LRRTM4: variants seen among roughly 807,000 people sequenced by gnomAD.
LRRTM4 encodes the protein leucine-rich repeat transmembrane neuronal protein 4.
A neutral mutation model predicts 47.6 loss-of-function variants in LRRTM4; 25 were observed. That is an observed-to-expected ratio of 0.53 (90% CI 0.38 to 0.73). The LOEUF is 0.73. LRRTM4 is among the 30% of genes least tolerant of loss of function. LRRTM4 has a pLI of 0.00. For synonymous variants in LRRTM4, 311 were observed against 269.5 expected, an observed-to-expected ratio of 1.15 and a Z score of -1.51; for missense variants, 638 against 713.4, an observed-to-expected ratio of 0.89 and a Z score of 1.20.
intron 3 of LRRTM4, among the ~76,000 whole-genome samples, chr2:76,971,815 C>G (rs912609844): frequency 6.6e-6 from 1 of 152,030 alleles, no homozygotes; most frequent in Non-Finnish European, 1.5e-5. Context: ...CCCTCCCACC[C>G]TATATCAGGC....
chr2:77,051,028 TA>T (rs369292203), intron 3 of LRRTM4, among the ~76,000 whole-genome samples: 46 of 151,436 alleles, frequency 3.0e-4, no homozygotes, highest in Middle Eastern at 3.4e-3. Context: ...TTTTTTTTTT[TA>T]AAATAGATAA....
intron 3 of LRRTM4, among the ~76,000 whole-genome samples, chr2:77,121,155 G>A (rs151314022): frequency 2.0e-5 from 3 of 151,834 alleles, no homozygotes; most frequent in African/African-American, 4.8e-5. Context: ...AATGCGAAAG[G>A]CAAATTAGGA....
chr2:76,835,668 T>C (rs1260818917), intron 3 of LRRTM4, among the ~76,000 whole-genome samples: 1 of 152,058 alleles, frequency 6.6e-6, no homozygotes, highest in Non-Finnish European at 1.5e-5. Flanking sequence ...CAATAGCAAA[T>C]GTGTTTGGTA....
chr2:77,435,545 T>C (rs1675555713), intron 3 of LRRTM4, among the ~76,000 whole-genome samples: 1 of 152,110 alleles, frequency 6.6e-6, no homozygotes, highest in African/African-American at 2.4e-5. Flanking sequence ...CCAACATTTG[T>C]TTAAAGGTCA....
At chr2:77,046,934 A>G (rs1257869659) in intron 3 of LRRTM4, among the ~76,000 whole-genome samples, 2 of 152,046 alleles carry the variant, frequency 1.3e-5, no homozygotes, top group East Asian at 1.9e-4. Flanking sequence ...TAGAAATGCA[A>G]CTGTTTTGAT....
intron 3 of LRRTM4, among the ~76,000 whole-genome samples, chr2:77,446,255 TAG>T (rs1676046688): frequency 6.6e-6 from 1 of 152,032 alleles, no homozygotes; most frequent in Non-Finnish European, 1.5e-5. Flanking sequence ...CCATCGTTTG[TAG>T]AGAGTATTTT....
rs1411465418 is a variant in LRRTM4 at position 77,401,780 on chromosome 2, G to A, written c.1551+116538C>T. 2.6e-5 allele frequency among the ~76,000 whole-genome samples: 4 copies of A among 151,830 alleles called. 1 individual carries two copies. The highest frequency in any genetic ancestry group is 1.3e-4 in the Admixed American group (2 of 15,194). On this transcript the variant is annotated intron_variant, in intron 3 of 3. Transcript: ENST00000409884. ...TTATATATTTTTGTATTCAGAAGCA[G>A]CCCAGGTCTATCTTCAAAGACTTAC...
intron 3 of LRRTM4, among the ~76,000 whole-genome samples, chr2:77,287,016 T>C (rs1329243933): frequency 2.0e-5 from 3 of 152,128 alleles, no homozygotes; most frequent in Non-Finnish European, 4.4e-5. Flanking sequence ...TTAGCCTCTC[T>C]GTGTTTGCAC....
chr2:77,076,917 C>A (rs936625065), intron 3 of LRRTM4, among the ~76,000 whole-genome samples: 2 of 152,090 alleles, frequency 1.3e-5, no homozygotes, highest in Non-Finnish European at 2.9e-5. Flanking sequence ...AAGAAGCATC[C>A]TTTTCTCTCC....
intron 3 of LRRTM4, among the ~76,000 whole-genome samples, chr2:77,443,750 A>G (rs2103935284): frequency 6.6e-6 from 1 of 152,272 alleles, no homozygotes; most frequent in South Asian, 2.1e-4. Context: ...AATACTTTAT[A>G]TAAAAATATG....
chr2:77,026,877 T>A (rs993751015), intron 3 of LRRTM4, among the ~76,000 whole-genome samples: 1 of 152,114 alleles, frequency 6.6e-6, no homozygotes, highest in Non-Finnish European at 1.5e-5. Flanking sequence ...ATTAAATGTG[T>A]CTATGAATAT....
intron 3 of LRRTM4, among the ~76,000 whole-genome samples, chr2:76,853,260 A>C (rs1314978481): frequency 6.6e-6 from 1 of 152,110 alleles, no homozygotes; most frequent in Non-Finnish European, 1.5e-5. Context: ...GTGAGGTAAA[A>C]ATTGATTCAA....
intron 3 of LRRTM4, among the ~76,000 whole-genome samples, chr2:77,429,766 G>A (rs1200760985): frequency 1.3e-5 from 2 of 152,102 alleles, no homozygotes; most frequent in East Asian, 3.9e-4. Flanking sequence ...GAGACAGGAG[G>A]AGTTAATTCA....
intron 3 of LRRTM4, among the ~76,000 whole-genome samples, chr2:77,249,612 G>A (rs537546664): frequency 6.6e-6 from 1 of 152,076 alleles, no homozygotes; most frequent in South Asian, 2.1e-4. Context: ...AAAACAACAA[G>A]AAGATACCAC....
chr2:76,991,893 A>G (rs1677022761), intron 3 of LRRTM4, among the ~76,000 whole-genome samples: 1 of 151,926 alleles, frequency 6.6e-6, no homozygotes, highest in South Asian at 2.1e-4. Flanking sequence ...TCAACAAAAT[A>G]TTAGCAACTG....
chr2:76,843,234 G>A (rs1016316288), intron 3 of LRRTM4, among the ~76,000 whole-genome samples: 3 of 152,092 alleles, frequency 2.0e-5, no homozygotes, highest in African/African-American at 7.2e-5. Context: ...TCAGAAGATG[G>A]TCAGAGTATG....
intron 3 of LRRTM4, among the ~76,000 whole-genome samples, chr2:77,247,835 G>C (rs1006322419): frequency 6.6e-6 from 1 of 151,586 alleles, no homozygotes; most frequent in Non-Finnish European, 1.5e-5. Flanking sequence ...TTTTGCAATT[G>C]CACTTTTATA....
intron 3 of LRRTM4, among the ~76,000 whole-genome samples, chr2:77,458,499 G>T (rs868758892): frequency 7.2e-5 from 11 of 152,038 alleles, no homozygotes; most frequent in African/African-American, 2.7e-4. Flanking sequence ...CAGCACTGTG[G>T]CAGGGTTGTC....
At chr2:77,308,578 G>A (rs1053384895) in intron 3 of LRRTM4, among the ~76,000 whole-genome samples, 3 of 151,436 alleles carry the variant, frequency 2.0e-5, no homozygotes, top group Admixed American at 1.3e-4. Flanking sequence ...GTATTCTTCC[G>A]TTATCTTGAG....
Sources: gnomAD v4.1 joint callset for allele counts (sites outside exome capture counted in the v4.1 genomes callset) on GRCh38, gnomAD v4.1.1 for gene constraint, MANE v1.5 for transcripts, NCBI Gene and HGNC (gene_info 2026-07-23, HGNC 2026-07-21) for gene names.